Variants in PRSS12 observed in about 807,000 individuals in gnomAD.
PRSS12 encodes the protein serine protease 12.
In PRSS12, 85 loss-of-function variants were observed where a neutral mutation model predicts 104.4. The observed-to-expected ratio is 0.81, with a 90% CI of 0.68 to 0.98. The LOEUF (loss-of-function observed/expected upper bound fraction) is 0.98, where lower values mean the gene tolerates loss of function less well. PRSS12 is among the 50% of genes least tolerant of loss of function. The pLI is 0.00. For synonymous variants in PRSS12, 454 were observed against 425.2 expected (o/e 1.07, Z -0.83); for missense variants, 1,141 against 1,139.2 (o/e 1.00, Z -0.02).
rs567385534 is a variant in PRSS12, at chr4:118,283,900, A to T, written c.2040-789T>A. On this transcript the variant is annotated intron_variant, in intron 11 of 12. Coordinates refer to ENST00000296498, the MANE Select transcript of PRSS12 (RefSeq NM_003619.4). ...TTTGTTGTGTTCACTGATTAATCTA[A>T]AACACCTAAAATAGTGTTGTGCCAT... is the stretch of plus-strand genomic sequence containing the variant. Among the ~76,000 whole-genome samples the T allele has an allele frequency of 6.4e-4, 98 of 152,290 alleles. 1 individual carries two copies. In the South Asian group the frequency reaches 0.02, roughly 31 times the overall value.
chr4:118,316,719 G>A (rs1389245887), intron 5 of PRSS12, among the ~76,000 whole-genome samples: 1 of 151,686 alleles, frequency 6.6e-6, no homozygotes, highest in Non-Finnish European at 1.5e-5. Flanking sequence ...CTACTTGGGA[G>A]GCTGAGGCGG....
At chr4:118,283,943 A>G (rs1247845947) in intron 11 of PRSS12, among the ~76,000 whole-genome samples, 3 of 152,140 alleles carry the variant, frequency 2.0e-5, no homozygotes, top group African/African-American at 7.2e-5. Context: ...GAATGCAAAA[A>G]ATTGATTAAG....
At chr4:118,339,009 C>T (rs919276892) in intron 1 of PRSS12, among the ~76,000 whole-genome samples, 2 of 152,076 alleles carry the variant, frequency 1.3e-5, no homozygotes, top group African/African-American at 4.8e-5. Flanking sequence ...CTCTAATATA[C>T]CACACCCAAA....
At chr4:118,288,056 AT>A (rs1420568953) in intron 11 of PRSS12, among the ~76,000 whole-genome samples, 1 of 152,218 alleles carries the variant, frequency 6.6e-6, no homozygotes, top group Non-Finnish European at 1.5e-5. Context: ...TAAAAGTAGA[AT>A]TAATTCAGGT....
chr4:118,294,890 A>G (rs944121410), intron 11 of PRSS12, 49 bp downstream of exon 11: 1 of 1,611,320 alleles, frequency 6.2e-7, no homozygotes, highest in African/African-American at 1.3e-5. Flanking sequence ...GATTGGAAGA[A>G]CTGATGAATA....
At chr4:118,341,533 T>C (rs1466601069) in intron 1 of PRSS12, among the ~76,000 whole-genome samples, 1 of 151,844 alleles carries the variant, frequency 6.6e-6, no homozygotes, top group Non-Finnish European at 1.5e-5. Flanking sequence ...AAATACAAAA[T>C]TGGCCAGGCA....
At chr4:118,328,589 C>CA (rs375109444) in intron 4 of PRSS12, among the ~76,000 whole-genome samples, 11 of 150,444 alleles carry the variant, frequency 7.3e-5, no homozygotes, top group African/African-American at 2.2e-4. Flanking sequence ...AAAACAACAA[C>CA]AAAAAAAAAA....
chr4:118,310,135 A>G (rs1388730155), intron 7 of PRSS12, among the ~76,000 whole-genome samples: 1 of 152,234 alleles, frequency 6.6e-6, no homozygotes, highest in Non-Finnish European at 1.5e-5. Flanking sequence ...TTTCTCATTA[A>G]TACATCTGAA....
chr4:118,302,057 TAAG>T (rs1444588778), intron 8 of PRSS12, among the ~76,000 whole-genome samples: 3 of 152,182 alleles, frequency 2.0e-5, no homozygotes, highest in Non-Finnish European at 4.4e-5. Context: ...CTCAGCTTCC[TAAG>T]AAGGAATGTT....
Position 118,295,762 on chromosome 4 carries a change from T to C in PRSS12, c.1916+16A>G. On this transcript the variant is annotated intron_variant, in intron 10 of 12. Transcript: ENST00000296498. ...AATTCTGTAATATAAAAAATCTCTTTTGGAGGAACATTTACCTTAAAGAAT... is the reference window on the plus strand; with the variant it reads ...AATTCTGTAATATAAAAAATCTCTTCTGGAGGAACATTTACCTTAAAGAAT... 1 of 1,602,356 alleles carries C rather than the reference T, an allele frequency of 6.2e-7. No individual in the cohort carries two copies. The highest frequency in any genetic ancestry group is 1.1e-5 in the South Asian group (1 of 90,828).
At chr4:118,347,905 T>C (rs961193178) in intron 1 of PRSS12, among the ~76,000 whole-genome samples, 1 of 152,126 alleles carries the variant, frequency 6.6e-6, no homozygotes, top group African/African-American at 2.4e-5. Context: ...CCTGTAGAAA[T>C]GCAAAAATAA....
intron 7 of PRSS12, among the ~76,000 whole-genome samples, chr4:118,310,140 T>A (rs1743669311): frequency 6.6e-6 from 1 of 152,212 alleles, no homozygotes; most frequent in Admixed American, 6.5e-5. Flanking sequence ...CATTAATACA[T>A]CTGAAATTTG....
intron 11 of PRSS12, among the ~76,000 whole-genome samples, chr4:118,285,056 C>T (rs1180813179): frequency 6.6e-6 from 1 of 152,076 alleles, no homozygotes; most frequent in Non-Finnish European, 1.5e-5. Context: ...GGGCTCTGAC[C>T]ATCTCGTATA....
At position 118,316,295 on chromosome 4, in the gene PRSS12, T is replaced by G; in HGVS notation, c.1179A>C (p.Lys393Asn). The change falls in exon 6 of 13, where the codon AAA becomes AAC. Residue 393 changes from lysine to asparagine, a missense_variant. Transcript: ENST00000296498. ...TDGVIRLAGG[K>N]GSHEGRLEVY... ...CCTCCAAGCGACCCTCATGGCTGCC[T>G]TTCCCACCTGCAAGTCTGATGACCC... The G allele has an allele frequency of 1.2e-6, 2 of 1,614,046 alleles. No homozygotes were observed. The highest frequency in any genetic ancestry group is 1.7e-6 in the Non-Finnish European group (2 of 1,180,008).
At chr4:118,304,853 C>T (rs1267409628) in intron 8 of PRSS12, among the ~76,000 whole-genome samples, 2 of 151,838 alleles carry the variant, frequency 1.3e-5, no homozygotes, top group Admixed American at 6.6e-5. Flanking sequence ...CTGTCTTTCC[C>T]ATTATGAAAA....
chr4:118,318,605 G>T (rs1157688671), intron 4 of PRSS12, 49 bp from the exon 5 acceptor site: 4 of 1,569,354 alleles, frequency 2.5e-6, no homozygotes, highest in Non-Finnish European at 2.6e-6. Flanking sequence ...ACCAAAGATT[G>T]GTCTTTTATT....
chr4:118,348,520 G>A (rs1724411413), intron 1 of PRSS12, among the ~76,000 whole-genome samples: 1 of 152,158 alleles, frequency 6.6e-6, no homozygotes, highest in African/African-American at 2.4e-5. Flanking sequence ...TCCTGATCCA[G>A]AACTGAGAAT....
chr4:118,306,488 G>A (rs952424190), intron 8 of PRSS12, among the ~76,000 whole-genome samples: 12 of 152,170 alleles, frequency 7.9e-5, no homozygotes, highest in Non-Finnish European at 1.2e-4. Context: ...GGCAGAAGGT[G>A]AAGGGGGAAC....
At chr4:118,303,823 T>C (rs962911767) in intron 8 of PRSS12, 1 of 152,066 alleles carries the variant, frequency 6.6e-6, no homozygotes, top group African/African-American at 2.4e-5. Flanking sequence ...ACAAAAAGCA[T>C]ATCTTGCACT....
Sources: allele counts gnomAD v4.1 joint callset (sites outside exome capture counted in the v4.1 genomes callset), GRCh38; gene constraint gnomAD v4.1.1; transcripts MANE v1.5; gene names NCBI Gene and HGNC (gene_info 2026-07-23, HGNC 2026-07-21).